FRS3: variants seen among roughly 807,000 people sequenced by gnomAD.
The protein encoded by FRS3 is fibroblast growth factor receptor substrate 3, also known as FGFR substrate 3.
A neutral mutation model predicts 41.9 loss-of-function variants in FRS3; 17 were observed. The ratio of observed to expected loss-of-function variants is 0.41; its 90% confidence interval spans 0.28 to 0.61. FRS3 has a LOEUF of 0.61. FRS3 is among the 20% of genes least tolerant of loss of function. The probability of loss-of-function intolerance (pLI) is 0.36; values close to 1 mark genes in which losing one functional copy is unlikely to be tolerated. For missense variants in FRS3, 619 were observed against 672.1 expected (o/e 0.92, Z 0.87); for synonymous variants, 287 against 274.5 (o/e 1.05, Z -0.45).
intron 4 of FRS3, 134 bp downstream of exon 4, chr6:41,775,285 G>A (rs1772385387): frequency 1.5e-6 from 1 of 658,824 alleles, no homozygotes; most frequent in African/African-American, 1.8e-5. Context: ...CTGACTGCAG[G>A]GAGAATACAT....
intron 3 of FRS3, 85 bp downstream of exon 3, chr6:41,776,837 A>G: frequency 9.2e-7 from 1 of 1,087,928 alleles, no homozygotes; most frequent in East Asian, 2.4e-5. Flanking sequence ...ATTTGCTGTT[A>G]GAGAAGCTGA....
At chr6:41,773,593 G>A (rs910459529) in intron 4 of FRS3, among the ~76,000 whole-genome samples, 1 of 152,020 alleles carries the variant, frequency 6.6e-6, no homozygotes, top group Middle Eastern at 3.4e-3. Flanking sequence ...AGTGGAGGCC[G>A]GGCATGATGG....
At chr6:41,773,355 C>T (rs1042773421) in intron 4 of FRS3, among the ~76,000 whole-genome samples, 6 of 151,824 alleles carry the variant, frequency 4.0e-5, no homozygotes, top group African/African-American at 1.2e-4. Flanking sequence ...CGGCCTGCTG[C>T]GGCCTCCCAA....
chr6:41,773,136 CTT>C (rs1772339336), intron 4 of FRS3, among the ~76,000 whole-genome samples, 177 bp from the exon 5 acceptor site: 1 of 152,026 alleles, frequency 6.6e-6, no homozygotes, highest in Admixed American at 6.6e-5. Flanking sequence ...GAGTTTTGCT[CTT>C]GTTGCCCAGG....
chr6:41,773,876 AAAAAGAAAAAAG>A (rs1308741201), intron 4 of FRS3, among the ~76,000 whole-genome samples: 1 of 152,084 alleles, frequency 6.6e-6, no homozygotes. Context: ...TGTCTCAAAA[AAAAAGAAAAAAG>A]AAAAGAAAAA....
chr6:41,773,108 C>G (rs1435564226), intron 4 of FRS3, 149 bp from the exon 5 acceptor site: 5 of 629,614 alleles, frequency 7.9e-6, no homozygotes, highest in Non-Finnish European at 1.4e-5. Flanking sequence ...CATTCTTTTT[C>G]TTTTCTTTTT....
chr6:41,771,699 G>A (rs1772298300), intron 6 of FRS3, 117 bp downstream of exon 6: 21 of 1,252,780 alleles, frequency 1.7e-5, no homozygotes, highest in Non-Finnish European at 2.2e-5. Context: ...GACAGGAAGG[G>A]ACCGTTACAA....
At chr6:41,777,050 G>T in intron 2 of FRS3, 40 bp from the exon 3 acceptor site, 1 of 1,469,152 alleles carries the variant, frequency 6.8e-7, no homozygotes, top group Non-Finnish European at 9.5e-7. Flanking sequence ...ACCAACTTCA[G>T]CTTCAAAAAA....
At chr6:41,779,740 T>TGCGGCGCGGC (rs374159587) in intron 1 of FRS3, 76 bp downstream of exon 1, 55 of 143,816 alleles carry the variant, frequency 3.8e-4, no homozygotes, top group Admixed American at 1.1e-3. Context: ...GAGTGGAGAC[T>TGCGGCGCGGC]GCGGCGCGGC....
rs142154205 is a variant in FRS3 at position 41,772,664 on chromosome 6, C to A, written c.415+134G>T. On this transcript the variant is annotated intron_variant, in intron 5 of 6. Coordinates refer to ENST00000373018, the MANE Select transcript of FRS3 (RefSeq NM_006653.5). Reference sequence around the variant, plus strand: ...CCTCAAGAATGGTTCTGATCATGGACAACTGTCCTGGAAGGTTGGCTCACC... The same window carrying A: ...CCTCAAGAATGGTTCTGATCATGGAAAACTGTCCTGGAAGGTTGGCTCACC... 6,111 of 982,384 alleles carry A rather than the reference C, an allele frequency of 6.2e-3. 40 individuals are homozygous for A. Among genetic ancestry groups the A allele is most frequent in the South Asian group, 0.015 (897 of 60,998 alleles). 60.9% of individuals were successfully genotyped at this position (982,384 alleles called of 1,614,324 possible).
At chr6:41,772,678 G>A (rs1441291130) in intron 5 of FRS3, 120 bp downstream of exon 5, 7 of 1,117,290 alleles carry the variant, frequency 6.3e-6, no homozygotes, top group Non-Finnish European at 8.9e-6. Context: ...TGTCCTGGAA[G>A]GTTGGCTCAC....
rs1235840094 is a variant in FRS3 at position 41,771,122 on chromosome 6, G to A, written c.976C>T (p.Pro326Ser). 6.3e-7 allele frequency: 1 copy of A among 1,578,476 alleles called. No homozygotes were observed. Among genetic ancestry groups the A allele is most frequent in the Admixed American group, 1.7e-5 (1 of 57,550 alleles). ...CTTTCCCACACAGGGGGCAGTGGGG[G>A]CAGGTTCTCATAGTGCAGCAGGGCG... ...RAALLHYENL[P>S]PLPPVWESQA... The change falls in exon 7 of 7, where the codon CCC becomes TCC. Residue 326 changes from proline to serine, a missense_variant. Transcript: ENST00000373018.
rs775528221 is a variant in FRS3, at chr6:41,771,275, C to A, written c.823G>T (p.Ala275Ser). ...DPPHHNNNNE[A>S]PSECPAQPKC... ...GGCTGGGCTGGACACTCAGAAGGGG[C>A]CTCATTGTTATTATTGTGGTGTGGG... Residue 275 changes from alanine to serine, a missense_variant, in exon 7 of 7, where the codon GCC (alanine) becomes TCC (serine). Transcript: ENST00000373018. The A allele has an allele frequency of 3.1e-6, 5 of 1,612,262 alleles. No individual in the cohort carries two copies. The highest frequency in any genetic ancestry group is 1.7e-4 in the Middle Eastern group (1 of 6,054).
At position 41,770,920 on chromosome 6, in the gene FRS3, C is replaced by T. The variant is rs754676624; in HGVS notation, c.1178G>A (p.Arg393His). 6.0e-5 allele frequency: 96 copies of T among 1,611,714 alleles called. 2 individuals are homozygous for T. Among genetic ancestry groups the T allele is most frequent in the Admixed American group, 3.3e-5 (2 of 59,990 alleles). ...GTTGAAGACCCTTGGGGAGCCGCGG[C>T]GGCGGGTCAGTGGCACAGGAAAGCT... ...HGSFPVPLTR[R>H]RGSPRVFNFD... The change falls in exon 7 of 7, where the codon CGC (arginine) becomes CAC (histidine). Residue 393 changes from arginine (R) to histidine (H), a missense_variant. Physicochemically the swap from Arg to His is conservative, Grantham distance 29. Coordinates refer to ENST00000373018, the MANE Select transcript of FRS3 (RefSeq NM_006653.5).
At chr6:41,774,151 G>A (rs1449788498) in intron 4 of FRS3, among the ~76,000 whole-genome samples, 1 of 151,878 alleles carries the variant, frequency 6.6e-6, no homozygotes, top group Non-Finnish European at 1.5e-5. Context: ...GGGTTTCACC[G>A]TGTTAGCCAG....
intron 5 of FRS3, 53 bp downstream of exon 5, chr6:41,772,745 C>CGTGGGTGTGT: frequency 8.6e-7 from 1 of 1,162,764 alleles, no homozygotes; most frequent in East Asian, 2.7e-5. Flanking sequence ...GCTTCCTGGG[C>CGTGGGTGTGT]GTGTGTGTGT....
intron 2 of FRS3, 143 bp from the exon 3 acceptor site, chr6:41,777,153 C>A: frequency 3.2e-6 from 2 of 631,706 alleles, no homozygotes; most frequent in Non-Finnish European, 5.7e-6. Context: ...TCAAAGACTT[C>A]ACATTCTCAA....
intron 1 of FRS3, among the ~76,000 whole-genome samples, 179 bp from the exon 2 acceptor site, chr6:41,778,355 G>A (rs563585141): frequency 4.6e-5 from 7 of 152,168 alleles, no homozygotes; most frequent in South Asian, 2.1e-4. Context: ...CAAGCCCCAC[G>A]GGCCCTGAGA....
intron 4 of FRS3, among the ~76,000 whole-genome samples, chr6:41,774,279 C>T (rs1379697805): frequency 6.6e-6 from 1 of 152,020 alleles, no homozygotes; most frequent in Non-Finnish European, 1.5e-5. Context: ...TCACATGCTT[C>T]CCCCATCTTC....
Sources: gnomAD v4.1 joint callset for allele counts (sites outside exome capture counted in the v4.1 genomes callset) on GRCh38, gnomAD v4.1.1 for gene constraint, MANE v1.5 for transcripts, NCBI Gene and HGNC (gene_info 2026-07-23, HGNC 2026-07-21) for gene names.